The following SRI variants were observed in gnomAD, a reference collection of about 807,000 sequenced individuals.
SRI encodes the protein sorcin.
SRI carries 30 observed loss-of-function variants against 33.3 expected under a neutral mutation model. The ratio of observed to expected loss-of-function variants is 0.90; its 90% CI spans 0.67 to 1.22. The LOEUF (loss-of-function observed/expected upper bound fraction) is 1.22. Ranked by LOEUF, SRI falls within the 50% of genes most tolerant of loss-of-function variation. The pLI is 0.00. For missense variants in SRI, 243 were observed against 250.8 expected, an observed-to-expected ratio of 0.97 and a Z score of 0.21; for synonymous variants, 75 against 89.9, an observed-to-expected ratio of 0.83 and a Z score of 0.94.
chr7:88,209,177 A>C (rs765112852), intron 6 of SRI, 162 bp downstream of exon 6: 4 of 509,576 alleles, frequency 7.8e-6, no homozygotes, highest in African/African-American at 3.9e-5. Flanking sequence ...TGGAAAAAAA[A>C]CCAAAAAATT....
upstream of SRI, among the ~76,000 whole-genome samples, chr7:88,223,815 C>T (rs903176187): frequency 3.3e-5 from 5 of 152,124 alleles, no homozygotes; most frequent in African/African-American, 1.2e-4. Context: ...GGGCTTATGA[C>T]TCTGGCAGTT....
rs1192656899 is a variant in SRI, at chr7:88,210,122, C to A, written c.258G>T (p.Met86Ile). 2.5e-6 allele frequency: 4 copies of A among 1,614,032 alleles called. No homozygotes were observed. Among genetic ancestry groups the A allele is most frequent in the Non-Finnish European group, 3.4e-6 (4 of 1,179,978 alleles). Reference protein sequence around the residue: ...RLMVSMLDRDMSGTMGFNEFK... With the variant: ...RLMVSMLDRDISGTMGFNEFK... ...ATTCATTGAAACCCATTGTGCCAGA[C>A]ATATCTCTCTGAACTGTAATCAAGG... Residue 86 changes from methionine (M) to isoleucine (I), a missense_variant, in exon 5 of 8, where the codon ATG becomes ATT. Coordinates refer to ENST00000265729, the MANE Select transcript of SRI (RefSeq NM_003130.4).
chr7:88,213,642 G>T (rs117981591), intron 3 of SRI, among the ~76,000 whole-genome samples: 5 of 152,078 alleles, frequency 3.3e-5, no homozygotes, highest in Non-Finnish European at 7.4e-5. Context: ...CATTGATTGT[G>T]GCTACAGAGC....
chr7:88,220,321 G>A (rs1851861345), upstream of SRI, among the ~76,000 whole-genome samples: 1 of 151,850 alleles, frequency 6.6e-6, no homozygotes, highest in Non-Finnish European at 1.5e-5. Flanking sequence ...CAAAACTAAT[G>A]GCACATTCCA....
intron 5 of SRI, 32 bp from the exon 6 acceptor site, chr7:88,209,484 A>G (rs1181970341): frequency 6.6e-7 from 1 of 1,525,144 alleles, no homozygotes; most frequent in East Asian, 2.3e-5. Context: ...AAAAAGGTTA[A>G]AGGATTGCAG....
At chr7:88,208,476 T>C (rs1851486745) in intron 7 of SRI, 31 bp downstream of exon 7, 5 of 1,612,858 alleles carry the variant, frequency 3.1e-6, no homozygotes, top group Non-Finnish European at 3.4e-6. Flanking sequence ...ATCCTTTTCA[T>C]CTACTGTATC....
chr7:88,218,934 C>T lies in SRI; in HGVS notation c.60G>A (p.Gly20=). ...CGGGAAACGCAGGCCCTCCGGGAGC[C>T]CCTCCATACTGTGAAACAGGAAACA... ...GGGYYPGGYG[G]APGGPAFPGQ... The change falls in exon 2 of 8, where the codon GGG becomes GGA. Residue 20 remains glycine, a synonymous_variant. Transcript: ENST00000265729. 6.2e-7 allele frequency: 1 copy of T among 1,613,908 alleles called. No individual in the cohort carries two copies. The highest frequency in any genetic ancestry group is 8.5e-7 in the Non-Finnish European group (1 of 1,179,856).
Position 88,206,424 on chromosome 7 carries a change from C to A in SRI, c.*54G>T. The A allele has an allele frequency of 6.2e-7, 1 of 1,608,986 alleles. No homozygotes were observed. ...TATTACCGAAGGCAAAGAGGACAAG[C>A]AAAGGAGAGCTCCAGTTGGAATGTT... On this transcript the variant is annotated 3_prime_UTR_variant, in exon 8 of 8. Transcript: ENST00000265729.
intron 2 of SRI, 24 bp downstream of exon 2, chr7:88,218,835 T>C (rs748299267): frequency 6.2e-7 from 1 of 1,611,196 alleles, no homozygotes; most frequent in South Asian, 1.1e-5. Context: ...TAACGGCTCT[T>C]TAATATTAAA....
chr7:88,223,926 A>C (rs922478708), upstream of SRI, among the ~76,000 whole-genome samples: 1 of 152,212 alleles, frequency 6.6e-6, no homozygotes, highest in Non-Finnish European at 1.5e-5. Flanking sequence ...AAAAGACTGT[A>C]GGAGGGTTGT....
At chr7:88,226,024 C>T (rs1851985033) in intron 1 of SRI, among the ~76,000 whole-genome samples, 1 of 152,038 alleles carries the variant, frequency 6.6e-6, no homozygotes, top group South Asian at 2.1e-4. Context: ...TACTTGTGAC[C>T]ATTACCATGT....
chr7:88,209,280 G>C, intron 6 of SRI, 59 bp downstream of exon 6: 1 of 1,393,062 alleles, frequency 7.2e-7, no homozygotes, highest in Non-Finnish European at 1.0e-6. Context: ...ACTGAGAGAT[G>C]AAATGTAATA....
chr7:88,208,946 T>C (rs1406108746), intron 6 of SRI: 1 of 277,204 alleles, frequency 3.6e-6, no homozygotes, highest in African/African-American at 2.2e-5. Context: ...GTCCCCAATA[T>C]AACAAATGGG....
chr7:88,209,948 C>T, intron 5 of SRI, 35 bp downstream of exon 5: 1 of 1,613,846 alleles, frequency 6.2e-7, no homozygotes, highest in Non-Finnish European at 8.5e-7. Context: ...CTTACTTCTA[C>T]CAATGAATGG....
chr7:88,219,904 G>T, intron 1 of SRI, 72 bp downstream of exon 1: 1 of 1,505,376 alleles, frequency 6.6e-7, no homozygotes, highest in Non-Finnish European at 8.9e-7. Context: ...CCCGCTGGCC[G>T]CAGCATCTCC....
intron 3 of SRI, chr7:88,215,027 T>C: frequency 2.2e-6 from 1 of 449,784 alleles, no homozygotes; most frequent in Non-Finnish European, 4.5e-6. Context: ...GTATGACTGC[T>C]TCCTTTTAAA....
chr7:88,210,245 A>T, intron 4 of SRI, 115 bp from the exon 5 acceptor site: 1 of 1,213,582 alleles, frequency 8.2e-7, no homozygotes, highest in Non-Finnish European at 1.2e-6. Context: ...ATTGTAGATT[A>T]TTCTTGGTAT....
chr7:88,224,583 T>G (rs1225663579), upstream of SRI, among the ~76,000 whole-genome samples: 2 of 152,210 alleles, frequency 1.3e-5, no homozygotes, highest in African/African-American at 4.8e-5. Flanking sequence ...GGTAACCAAT[T>G]AATAGTATCT....
rs1360901184 is a variant in SRI, at chr7:88,209,434, TG to T, written c.415del (p.Gln139ArgfsTer3). 4 of 1,613,946 alleles carry T rather than the reference TG, an allele frequency of 2.5e-6. No homozygotes were observed. Among genetic ancestry groups the T allele is most frequent in the Non-Finnish European group, 3.4e-6 (4 of 1,179,854 alleles). On this transcript the variant is annotated frameshift_variant, in exon 6 of 8. Coordinates refer to ENST00000265729, the MANE Select transcript of SRI (RefSeq NM_003130.4). LOFTEE classifies it high-confidence loss of function. ...TCGTTTTGCAATTGAATTCACAGCC[TG>T]GGGACTCAACCTAAATCCTAAAAGA... ...LTTMGFRLSPQAVNSIAKRYS... is the reference protein window; with the variant it reads ...LTTMGFRLSPXAVNSIAKRYS...
Sources: allele counts gnomAD v4.1 joint callset (sites outside exome capture counted in the v4.1 genomes callset), GRCh38; gene constraint gnomAD v4.1.1; transcripts MANE v1.5; gene names NCBI Gene and HGNC (gene_info 2026-07-23, HGNC 2026-07-21).